Variants in DAAM2 observed in about 807,000 individuals in gnomAD.
DAAM2 encodes the protein dishevelled associated activator of morphogenesis 2.
A neutral mutation model predicts 120.7 loss-of-function variants in DAAM2; 39 were observed. The ratio of observed to expected loss-of-function variants is 0.32; its 90% CI spans 0.25 to 0.42. The LOEUF (loss-of-function observed/expected upper bound fraction) is 0.42, where lower values mean the gene tolerates loss of function less well. Among genes scored for constraint, DAAM2 ranks in the 10% least tolerant of loss-of-function variants. The pLI is 1.00. For synonymous variants in DAAM2, 488 were observed against 524.9 expected (o/e 0.93, Z 0.96); for missense variants, 1,283 against 1,401.7 (o/e 0.92, Z 1.35).
Position 39,878,423 on chromosome 6 carries a change from C to T in DAAM2, c.1380C>T (p.Ser460=). 6.2e-7 allele frequency: 1 copy of T among 1,611,968 alleles called. No homozygotes were observed. Residue 460 remains serine (S), a synonymous_variant, in exon 13 of 25, where the codon AGC becomes AGT. Transcript: ENST00000274867. This position sits in a 1 kb window ranked among gnomAD's most constrained non-coding sequence, Gnocchi z 5.0. ...TTCCAGAACACATGGAGCTTGTGAG[C>T]CGTCTGGAGAGGAAGGAGCGGGAAT... The part of the protein sequence containing the change: ...KFRKEHMELV[S]RLERKERECE...
intron 15 of DAAM2, chr6:39,886,300 A>G: frequency 2.5e-6 from 1 of 398,168 alleles, no homozygotes; most frequent in Non-Finnish European, 4.4e-6. Context: ...TCTCACTGGG[A>G]TGAAGTGGAC....
At chr6:39,809,257 A>G (rs989170991) in intron 1 of DAAM2, among the ~76,000 whole-genome samples, 1 of 152,154 alleles carries the variant, frequency 6.6e-6, no homozygotes, top group African/African-American at 2.4e-5. Flanking sequence ...CTTAGCAGAA[A>G]CGTAATGGGG....
intron 1 of DAAM2, among the ~76,000 whole-genome samples, chr6:39,846,005 C>T (rs577621370): frequency 2.0e-5 from 3 of 152,204 alleles, no homozygotes; most frequent in East Asian, 3.9e-4. Flanking sequence ...GCCCTGGTCT[C>T]AGCACGGGAT....
At chr6:39,796,857 C>T (rs568089650) in intron 1 of DAAM2, among the ~76,000 whole-genome samples, 1 of 151,852 alleles carries the variant, frequency 6.6e-6, no homozygotes, top group Admixed American at 6.6e-5. Flanking sequence ...ATTCTCATTC[C>T]CCAGGGTTGT....
At chr6:39,842,494 G>A (rs923860813) in intron 1 of DAAM2, among the ~76,000 whole-genome samples, 12 of 152,160 alleles carry the variant, frequency 7.9e-5, no homozygotes, top group Middle Eastern at 3.4e-3. Context: ...TTTGCCGGGC[G>A]TGGTGGTGCA....
chr6:39,794,312 G>C (rs1319463418), intron 1 of DAAM2, among the ~76,000 whole-genome samples: 3 of 152,162 alleles, frequency 2.0e-5, no homozygotes. Context: ...CATCTGTGCT[G>C]GGAACTCCAT....
intron 1 of DAAM2, chr6:39,823,304 C>T (rs1196678379): frequency 1.3e-5 from 2 of 152,182 alleles, no homozygotes; most frequent in Non-Finnish European, 2.9e-5. Context: ...TCAACATCCT[C>T]CTCTCCTGGG....
intron 5 of DAAM2, among the ~76,000 whole-genome samples, chr6:39,866,818 TG>T (rs1764451463): frequency 6.6e-6 from 1 of 152,236 alleles, no homozygotes; most frequent in Non-Finnish European, 1.5e-5. Flanking sequence ...TGTGATTTCT[TG>T]GGGTGACAAA....
intron 1 of DAAM2, among the ~76,000 whole-genome samples, chr6:39,808,108 T>C (rs1263559076): frequency 1.3e-5 from 2 of 151,258 alleles, no homozygotes; most frequent in African/African-American, 4.9e-5. Flanking sequence ...TGCGGATTTG[T>C]TGGGATCATA....
At chr6:39,834,492 C>T (rs1763032051) in intron 1 of DAAM2, among the ~76,000 whole-genome samples, 1 of 152,188 alleles carries the variant, frequency 6.6e-6, no homozygotes, top group African/African-American at 2.4e-5. Flanking sequence ...TCTCAGTGCT[C>T]AAGTTGGCTA....
intron 19 of DAAM2, among the ~76,000 whole-genome samples, chr6:39,892,418 C>G (rs1051602863): frequency 1.3e-5 from 2 of 152,106 alleles, no homozygotes. Flanking sequence ...AGTGGTGGAA[C>G]CAGGGTAGGA....
intron 1 of DAAM2, among the ~76,000 whole-genome samples, chr6:39,836,650 A>G (rs1175228591): frequency 1.3e-5 from 2 of 152,180 alleles, no homozygotes; most frequent in Non-Finnish European, 2.9e-5. Flanking sequence ...GGGCCCAGCA[A>G]TCTGCATTTT....
chr6:39,837,165 A>C (rs1763131857), intron 1 of DAAM2, among the ~76,000 whole-genome samples: 1 of 152,084 alleles, frequency 6.6e-6, no homozygotes, highest in Admixed American at 6.6e-5. Flanking sequence ...GGCATCTCCA[A>C]CTGGTGACTC....
At chr6:39,875,608 ACT>A in intron 11 of DAAM2, 140 bp downstream of exon 11, 1 of 1,062,642 alleles carries the variant, frequency 9.4e-7, no homozygotes, top group Non-Finnish European at 1.3e-6. Context: ...GTCCAACAGA[ACT>A]CTCTAAGCTA....
chr6:39,880,319 ATGTGTT>A, intron 14 of DAAM2, among the ~76,000 whole-genome samples: 1 of 152,312 alleles, frequency 6.6e-6, no homozygotes, highest in South Asian at 2.1e-4. Flanking sequence ...TAACTGTACC[ATGTGTT>A]TGAGCTTCAG....
intron 1 of DAAM2, among the ~76,000 whole-genome samples, chr6:39,854,573 C>T (rs1582679137): frequency 6.6e-6 from 1 of 152,248 alleles, no homozygotes; most frequent in South Asian, 2.1e-4. Context: ...TAAAATAGAG[C>T]ATGATGTATG....
At chr6:39,801,242 T>C (rs1290098643) in intron 1 of DAAM2, among the ~76,000 whole-genome samples, 3 of 152,214 alleles carry the variant, frequency 2.0e-5, no homozygotes. Flanking sequence ...CCCCCTGTGC[T>C]TTGTGTGGTT....
intron 2 of DAAM2, 69 bp from the exon 3 acceptor site, chr6:39,860,859 T>C (rs1562032777): frequency 7.9e-7 from 1 of 1,263,148 alleles, no homozygotes; most frequent in Non-Finnish European, 1.1e-6. Context: ...TGTAATTTCC[T>C]GCAGGGCTGA....
intron 17 of DAAM2, among the ~76,000 whole-genome samples, chr6:39,890,485 T>G (rs1330675686): frequency 6.6e-6 from 1 of 152,174 alleles, no homozygotes; most frequent in Non-Finnish European, 1.5e-5. Context: ...ACCTTAGACA[T>G]TATGCTGGGG....
Sources: allele counts gnomAD v4.1 joint callset (sites outside exome capture counted in the v4.1 genomes callset), GRCh38; gene constraint gnomAD v4.1.1; non-coding constraint Gnocchi (gnomAD v3.1); transcripts MANE v1.5; gene names NCBI Gene and HGNC (gene_info 2026-07-23, HGNC 2026-07-21).